The following MICAL2 variants were observed in gnomAD, a reference collection of about 807,000 sequenced individuals.
MICAL2 encodes microtubule associated monooxygenase, calponin and LIM domain containing 2.
Under a neutral mutation model 127.3 loss-of-function variants are expected in MICAL2, and 77 were observed. That is an observed-to-expected ratio of 0.60 (90% CI 0.50 to 0.73). MICAL2 has a LOEUF of 0.73. Ranked by LOEUF, MICAL2 falls within the 30% of genes least tolerant of loss-of-function variation. The pLI, the probability that MICAL2 is intolerant of heterozygous loss-of-function variation, is 0.00. For synonymous variants in MICAL2, 570 were observed against 551.1 expected (o/e 1.03, Z -0.48); for missense variants, 1,351 against 1,434.4 (o/e 0.94, Z 0.94).
intron 26 of MICAL2, chr11:12,260,418 A>G (rs1862948450): frequency 2.4e-6 from 3 of 1,233,378 alleles, no homozygotes; most frequent in Non-Finnish European, 3.0e-6. Flanking sequence ...TTCTGGGTTT[A>G]CATTTCAATT....
intron 3 of MICAL2, among the ~76,000 whole-genome samples, chr11:12,175,770 T>C (rs1856774346): frequency 6.6e-6 from 1 of 151,414 alleles, no homozygotes; most frequent in African/African-American, 2.4e-5. Context: ...TAGAGGGGAG[T>C]GAATGCTAGG....
chr11:12,239,688 C>G lies in MICAL2; in HGVS notation c.2214+103C>G. The G allele has an allele frequency of 3.6e-6, 5 of 1,391,418 alleles. No homozygotes were observed. In the South Asian group the frequency reaches 4.3e-5, roughly 12 times the overall value. The allele number at this position is 1,391,418 out of a possible 1,614,324, so 86.2% of individuals were successfully genotyped here. A position where few individuals can be genotyped will look rare whatever the true frequency, so the allele number is the denominator to read the frequency against. ...TCAGATATGCCAGCCAGGCCTGGTCCCAAGGAGACTTGAGCTCCTTCTAGA... is the reference window on the plus strand; with the variant it reads ...TCAGATATGCCAGCCAGGCCTGGTCGCAAGGAGACTTGAGCTCCTTCTAGA... On this transcript the variant is annotated intron_variant, in intron 17 of 27. Coordinates refer to ENST00000683283, the MANE Select transcript of MICAL2 (RefSeq NM_001282663.2).
At position 12,217,205 on chromosome 11, in the gene MICAL2, C is replaced by T. The variant is rs963596788; in HGVS notation, c.948+886C>T. On this transcript the variant is annotated intron_variant, in intron 8 of 27. Coordinates refer to ENST00000683283, the MANE Select transcript of MICAL2 (RefSeq NM_001282663.2). ...TAAGGATCACACTGCCCAAGTTCAG[C>T]CTGCTGTCTGGGTGTCAGCCTGGAG... Among the ~76,000 whole-genome samples, 10 of 152,326 alleles carry T rather than the reference C, an allele frequency of 6.6e-5. No homozygotes were observed. The East Asian group carries it at 9.6e-4, about 15-fold the overall frequency.
chr11:12,288,783 G>A (rs946577051), downstream of MICAL2, among the ~76,000 whole-genome samples: 1 of 152,168 alleles, frequency 6.6e-6, no homozygotes, highest in Non-Finnish European at 1.5e-5. Flanking sequence ...CCTAGAGGGC[G>A]CTCCAAGACT....
intron 21 of MICAL2, among the ~76,000 whole-genome samples, chr11:12,245,893 G>A (rs188545763): frequency 1.1e-4 from 16 of 152,360 alleles, no homozygotes; most frequent in African/African-American, 2.6e-4. Context: ...GGTGGGAGGG[G>A]AGAAGGCACC....
rs894226093 is a variant in MICAL2 at position 12,256,982 on chromosome 11, G to A, written c.3142+11G>A. ...TTGACTGCGATGAAGGTAACCCCAGGGGCCAGGGCAGCACTGGGCTCTGGC... is the reference window on the plus strand; with the variant it reads ...TTGACTGCGATGAAGGTAACCCCAGAGGCCAGGGCAGCACTGGGCTCTGGC... On this transcript the variant is annotated intron_variant, in intron 24 of 27. Transcript: ENST00000683283. The A allele has an allele frequency of 6.2e-7, 1 of 1,608,088 alleles. No homozygotes were observed. Among genetic ancestry groups the A allele is most frequent in the South Asian group, 1.1e-5 (1 of 90,186 alleles).
intron 2 of MICAL2, among the ~76,000 whole-genome samples, chr11:12,155,313 TAC>T (rs558538340): frequency 3.4e-4 from 52 of 152,180 alleles, no homozygotes; most frequent in Admixed American, 1.8e-3. Flanking sequence ...TACATGTACA[TAC>T]ACACACACGC....
At chr11:12,191,500 G>A (rs1033343827) in intron 3 of MICAL2, among the ~76,000 whole-genome samples, 25 of 149,930 alleles carry the variant, frequency 1.7e-4, no homozygotes, top group Admixed American at 6.6e-5. Context: ...TAGGCCAGAT[G>A]CACCTGCAAT....
chr11:12,154,950 C>T (rs1344908274), intron 2 of MICAL2, among the ~76,000 whole-genome samples: 1 of 152,156 alleles, frequency 6.6e-6, no homozygotes, highest in Non-Finnish European at 1.5e-5. Flanking sequence ...TCACAGCACC[C>T]CTACTAGCTG....
rs1284095513 is a variant in MICAL2, at chr11:12,239,519, G to A, written c.2148G>A (p.Lys716=). 1 of 1,614,236 alleles carries A rather than the reference G, an allele frequency of 6.2e-7. No homozygotes were observed. Among genetic ancestry groups the A allele is most frequent in the Non-Finnish European group, 8.5e-7 (1 of 1,180,042 alleles). ...SKEGGNQNKV[K]SMANQLLAKF... ...AAGGTGGAAATCAGAACAAAGTCAA[G>A]TCCATGGCGAATCAGCTGCTGGCCA... Residue 716 remains lysine (K), a synonymous_variant, in exon 17 of 28, where the codon AAG becomes AAA. Coordinates refer to ENST00000683283, the MANE Select transcript of MICAL2 (RefSeq NM_001282663.2).
intron 26 of MICAL2, chr11:12,260,673 T>A: frequency 2.0e-6 from 2 of 985,942 alleles, no homozygotes; most frequent in Non-Finnish European, 2.4e-6. Context: ...GGATACTTTT[T>A]ACAACACGAA....
intron 1 of MICAL2, among the ~76,000 whole-genome samples, chr11:12,137,542 G>C (rs530615971): frequency 2.0e-5 from 3 of 152,296 alleles, no homozygotes; most frequent in Admixed American, 2.0e-4. Flanking sequence ...TGAACAGTGA[G>C]TCCCATCTCC....
intron 2 of MICAL2, among the ~76,000 whole-genome samples, chr11:12,150,105 A>G (rs1472263741): frequency 2.0e-5 from 3 of 152,172 alleles, no homozygotes; most frequent in Non-Finnish European, 4.4e-5. Flanking sequence ...GCAAGGCTGG[A>G]CTATTCATTT....
intron 2 of MICAL2, among the ~76,000 whole-genome samples, chr11:12,154,614 T>C (rs941929408): frequency 3.3e-5 from 5 of 152,228 alleles, no homozygotes; most frequent in Non-Finnish European, 7.3e-5. Context: ...GGAGTTGAAA[T>C]TGTATTGACT....
At chr11:12,125,362 T>C (rs1850830904) in intron 1 of MICAL2, among the ~76,000 whole-genome samples, 1 of 152,238 alleles carries the variant, frequency 6.6e-6, no homozygotes, top group African/African-American at 2.4e-5. Context: ...CAAGTGCTTC[T>C]CCTGCCTCGA....
intron 33 of MICAL2, chr11:12,354,726 A>G (rs937144530): frequency 5.4e-6 from 8 of 1,486,492 alleles, no homozygotes; most frequent in Non-Finnish European, 7.5e-6. Flanking sequence ...GGGCTTATTC[A>G]TCAATGTTTC....
chr11:12,246,913 T>A (rs372218626), intron 21 of MICAL2, among the ~76,000 whole-genome samples: 24 of 152,228 alleles, frequency 1.6e-4, no homozygotes, highest in African/African-American at 5.5e-4. Flanking sequence ...GTAAATTATA[T>A]AATGTGTTAG....
chr11:12,242,857 T>G, intron 20 of MICAL2, 85 bp downstream of exon 20: 1 of 920,992 alleles, frequency 1.1e-6, no homozygotes, highest in East Asian at 2.8e-5. Flanking sequence ...GAGCTCAATT[T>G]TCTCCTCCTT....
intron 15 of MICAL2, among the ~76,000 whole-genome samples, chr11:12,232,067 T>A (rs35722807): frequency 0.047 from 7,141 of 152,274 alleles, 324 homozygotes; most frequent in Middle Eastern, 0.13. Flanking sequence ...GATGAGGTGA[T>A]CAAATGCGTG....
Sources: gnomAD v4.1 joint callset for allele counts (sites outside exome capture counted in the v4.1 genomes callset) on GRCh38, gnomAD v4.1.1 for gene constraint, MANE v1.5 for transcripts, NCBI Gene and HGNC (gene_info 2026-07-23, HGNC 2026-07-21) for gene names.